CD38: variants seen among roughly 807,000 people sequenced by gnomAD.
CD38 encodes the protein ADP-ribosyl cyclase/cyclic ADP-ribose hydrolase 1.
In CD38, 31 loss-of-function variants were observed where a neutral mutation model predicts 36.3. The ratio of observed to expected loss-of-function variants is 0.85; its 90% confidence interval spans 0.64 to 1.15. The LOEUF is 1.15. Ranked by LOEUF, CD38 falls within the 50% of genes most tolerant of loss-of-function variation. The pLI, the probability that CD38 is intolerant of heterozygous loss-of-function variation, is 0.00. For synonymous variants in CD38, 131 were observed against 135.2 expected (o/e 0.97, Z 0.22); for missense variants, 380 against 371.9 (o/e 1.02, Z -0.18).
chr4:15,795,117 A>G (rs554651958), intron 1 of CD38, among the ~76,000 whole-genome samples: 1 of 152,322 alleles, frequency 6.6e-6, no homozygotes, highest in South Asian at 2.1e-4. Context: ...AGAAAACCAC[A>G]AAGACAGTTT....
intron 4 of CD38, among the ~76,000 whole-genome samples, chr4:15,836,640 AC>A (rs1267335141): frequency 1.3e-5 from 2 of 152,208 alleles, no homozygotes; most frequent in Non-Finnish European, 2.9e-5. Flanking sequence ...TAAGAGCCTA[AC>A]CTAGGCCTCC....
chr4:15,778,540 C>A lies in CD38; in HGVS notation c.126C>A (p.Val42=). 6.2e-7 allele frequency: 1 copy of A among 1,613,248 alleles called. No individual in the cohort carries two copies. Among genetic ancestry groups the A allele is most frequent in the South Asian group, 1.1e-5 (1 of 91,056 alleles). ...VLILVVVLAV[V]VPRWRQQWSG... ...TCCTCGTCGTGGTGCTCGCGGTGGTCGTCCCGAGGTGGCGCCAGCAGTGGA... is the reference window on the plus strand; with the variant it reads ...TCCTCGTCGTGGTGCTCGCGGTGGTAGTCCCGAGGTGGCGCCAGCAGTGGA... The change falls in exon 1 of 8, where the codon GTC becomes GTA. Residue 42 remains valine, a synonymous_variant. Transcript: ENST00000226279. This position sits in a 1 kb window ranked among gnomAD's most constrained non-coding sequence, Gnocchi z 4.9.
intron 1 of CD38, among the ~76,000 whole-genome samples, chr4:15,790,349 T>G (rs1157647392): frequency 1.3e-5 from 2 of 152,074 alleles, no homozygotes; most frequent in African/African-American, 4.8e-5. Flanking sequence ...GTTTTCGTTT[T>G]TTTTTTTTGG....
chr4:15,816,995 T>C (rs1723616018), intron 2 of CD38, among the ~76,000 whole-genome samples: 1 of 152,202 alleles, frequency 6.6e-6, no homozygotes, highest in Non-Finnish European at 1.5e-5. Context: ...ATAGTAGTAG[T>C]AGTAGTAATA....
intron 1 of CD38, among the ~76,000 whole-genome samples, chr4:15,790,188 CCTCTCT>C (rs1323381340): frequency 1.6e-4 from 20 of 127,550 alleles, no homozygotes; most frequent in African/African-American, 3.4e-4. Context: ...CCTCCCTCTC[CCTCTCT>C]CTCCACGGTC....
intron 1 of CD38, among the ~76,000 whole-genome samples, chr4:15,792,437 T>TAAATCAAAAAAAAAAAAAAAAAAA (rs1723022269): frequency 7.4e-6 from 1 of 134,952 alleles, no homozygotes; most frequent in Non-Finnish European, 1.6e-5. Context: ...TAAAATAAAA[T>TAAATCAAAAAAAAAAAAAAAAAAA]AAAAAAAAGG....
intron 1 of CD38, among the ~76,000 whole-genome samples, chr4:15,807,851 C>T (rs1041255357): frequency 1.3e-5 from 2 of 152,158 alleles, no homozygotes; most frequent in Non-Finnish European, 2.9e-5. Context: ...ATCCAGAATC[C>T]GTGAGGCATG....
At chr4:15,807,583 C>T (rs765306252) in intron 1 of CD38, among the ~76,000 whole-genome samples, 1 of 152,142 alleles carries the variant, frequency 6.6e-6, no homozygotes, top group Non-Finnish European at 1.5e-5. Flanking sequence ...TTATCAACAT[C>T]TCCACATACA....
chr4:15,786,541 CAG>C (rs967637298), intron 1 of CD38, among the ~76,000 whole-genome samples: 1 of 152,178 alleles, frequency 6.6e-6, no homozygotes, highest in Non-Finnish European at 1.5e-5. Flanking sequence ...GAGCTAGACA[CAG>C]GGTGCTGATT....
intron 2 of CD38, among the ~76,000 whole-genome samples, chr4:15,821,707 A>G (rs1384213665): frequency 6.6e-6 from 1 of 151,306 alleles, no homozygotes; most frequent in African/African-American, 2.4e-5. Context: ...AAAAAAAAAA[A>G]AAAAAGCCCA....
chr4:15,783,890 G>A (rs1199194232), intron 1 of CD38, among the ~76,000 whole-genome samples: 2 of 152,168 alleles, frequency 1.3e-5, no homozygotes, highest in African/African-American at 4.8e-5. Flanking sequence ...AGCAAAACTT[G>A]TTAGTACAAC....
chr4:15,813,713 C>T (rs1313895724), intron 1 of CD38, among the ~76,000 whole-genome samples: 1 of 152,086 alleles, frequency 6.6e-6, no homozygotes, highest in African/African-American at 2.4e-5. Flanking sequence ...GTTTTCTGTT[C>T]CTGTGTTTTT....
At chr4:15,826,342 TATAAAG>T (rs1723844961) in intron 3 of CD38, among the ~76,000 whole-genome samples, 1 of 152,154 alleles carries the variant, frequency 6.6e-6, no homozygotes, top group African/African-American at 2.4e-5. Context: ...AATTGGTAGG[TATAAAG>T]ATAGCTATCC....
intron 1 of CD38, among the ~76,000 whole-genome samples, chr4:15,779,106 G>C (rs114058073): frequency 6.6e-6 from 1 of 152,202 alleles, no homozygotes; most frequent in African/African-American, 2.4e-5. Flanking sequence ...GCCCCCGGAC[G>C]GTTACAGAGG....
At chr4:15,784,098 T>C (rs2148913225) in intron 1 of CD38, among the ~76,000 whole-genome samples, 1 of 152,296 alleles carries the variant, frequency 6.6e-6, no homozygotes, top group East Asian at 1.9e-4. Flanking sequence ...AAAAGAGGCC[T>C]GTACACAGCC....
intron 1 of CD38, among the ~76,000 whole-genome samples, chr4:15,809,918 A>C (rs1723428353): frequency 6.6e-6 from 1 of 152,172 alleles, no homozygotes; most frequent in Non-Finnish European, 1.5e-5. Flanking sequence ...CCAAACCAAC[A>C]AAAAAATTGA....
intron 7 of CD38, among the ~76,000 whole-genome samples, chr4:15,841,347 C>T (rs192143929): frequency 7.9e-4 from 120 of 152,322 alleles, no homozygotes; most frequent in African/African-American, 2.7e-3. Flanking sequence ...ACTACCTTCT[C>T]TCACTAACCA....
chr4:15,826,531 A>C (rs985025765), intron 3 of CD38, among the ~76,000 whole-genome samples: 77 of 151,754 alleles, frequency 5.1e-4, no homozygotes, highest in African/African-American at 1.8e-3. Flanking sequence ...TTTATAAATG[A>C]AACTTCAATG....
chr4:15,778,853 C>T lies in CD38; in HGVS notation c.233+206C>T, dbSNP rs931581976. On this transcript the variant is annotated intron_variant, in intron 1 of 7. Coordinates refer to ENST00000226279, the MANE Select transcript of CD38 (RefSeq NM_001775.4). This position sits in a 1 kb window ranked among gnomAD's most constrained non-coding sequence, Gnocchi z 4.9. ...AGCTGGCCTTGGCACCGAGCGTGCC[C>T]GCGGGAGGCGGGGGGGGGCGCTGCT... is the stretch of plus-strand genomic sequence containing the variant. Among the ~76,000 whole-genome samples, 1 of 140,804 alleles carries T rather than the reference C, an allele frequency of 7.1e-6. No individual in the cohort carries two copies. The highest frequency in any genetic ancestry group is 2.6e-5 in the African/African-American group (1 of 38,052). The allele number at this position is 140,804 out of a possible 152,430, so 92.4% of individuals were successfully genotyped here. A position where few individuals can be genotyped will look rare whatever the true frequency, so the allele number is the denominator to read the frequency against.
Sources: gnomAD v4.1 joint callset for allele counts (sites outside exome capture counted in the v4.1 genomes callset) on GRCh38, gnomAD v4.1.1 for gene constraint, Gnocchi (gnomAD v3.1) non-coding constraint, MANE v1.5 for transcripts, NCBI Gene and HGNC (gene_info 2026-07-23, HGNC 2026-07-21) for gene names.